Variants in XKR6 observed in about 807,000 individuals in gnomAD.
XKR6 encodes XK-related protein 6.
Under a neutral mutation model 56.7 loss-of-function variants are expected in XKR6, and 22 were observed. That is an observed-to-expected ratio of 0.39 (90% CI 0.28 to 0.55). The LOEUF (loss-of-function observed/expected upper bound fraction) is 0.55. Ranked by LOEUF, XKR6 falls within the 20% of genes least tolerant of loss-of-function variation. The pLI is 0.66. For synonymous variants in XKR6, 524 were observed against 387.8 expected, an observed-to-expected ratio of 1.35 and a Z score of -4.13; for missense variants, 852 against 889.0, an observed-to-expected ratio of 0.96 and a Z score of 0.53.
chr8:10,908,116 G>A (rs1800234779), intron 2 of XKR6, among the ~76,000 whole-genome samples: 1 of 152,202 alleles, frequency 6.6e-6, no homozygotes, highest in African/African-American at 2.4e-5. Context: ...GACTTGCTCT[G>A]GCCAGGCACG....
At chr8:10,963,093 A>C (rs1000243579) in intron 1 of XKR6, among the ~76,000 whole-genome samples, 2 of 152,168 alleles carry the variant, frequency 1.3e-5, no homozygotes, top group Non-Finnish European at 1.5e-5. Context: ...GACCAAGCAC[A>C]TCCCGCTTCT....
chr8:11,040,339 T>C (rs898750652), intron 1 of XKR6, among the ~76,000 whole-genome samples: 4 of 120,140 alleles, frequency 3.3e-5, no homozygotes, highest in Admixed American at 9.9e-5. Flanking sequence ...CGGGGCAACA[T>C]AAGCAGATCT....
chr8:11,143,225 C>T (rs994179444), intron 1 of XKR6, among the ~76,000 whole-genome samples: 2 of 152,130 alleles, frequency 1.3e-5, no homozygotes, highest in African/African-American at 4.8e-5. Flanking sequence ...AGACGATACA[C>T]ATTCTGATAA....
At chr8:10,976,200 C>G (rs947056569) in intron 1 of XKR6, among the ~76,000 whole-genome samples, 3 of 151,994 alleles carry the variant, frequency 2.0e-5, no homozygotes, top group Non-Finnish European at 2.9e-5. Context: ...GTGCCCCCCC[C>G]CAACCTCGCC....
intron 2 of XKR6, among the ~76,000 whole-genome samples, chr8:10,900,888 C>CCTGTCGCT (rs1800018192): frequency 1.1e-5 from 1 of 88,912 alleles, no homozygotes; most frequent in Admixed American, 1.5e-4. Flanking sequence ...AGGGTTTTAC[C>CCTGTCGCT]CTGTCGCTCA....
At chr8:11,048,846 C>A (rs931033878) in intron 1 of XKR6, among the ~76,000 whole-genome samples, 3 of 152,224 alleles carry the variant, frequency 2.0e-5, no homozygotes, top group African/African-American at 7.2e-5. Flanking sequence ...TCTCGCTGGC[C>A]TCCCCCTCCT....
chr8:10,899,965 G>C (rs1799989425), intron 2 of XKR6, among the ~76,000 whole-genome samples: 1 of 152,110 alleles, frequency 6.6e-6, no homozygotes, highest in African/African-American at 2.4e-5. Context: ...TTCGAGTGCT[G>C]TCATACAATC....
chr8:10,952,451 GT>G (rs1274255598), intron 1 of XKR6, among the ~76,000 whole-genome samples: 1 of 152,134 alleles, frequency 6.6e-6, no homozygotes, highest in African/African-American at 2.4e-5. Context: ...TATTATATTT[GT>G]TTTTTCTTTT....
At chr8:11,084,872 C>A (rs906447841) in intron 1 of XKR6, among the ~76,000 whole-genome samples, 7 of 152,140 alleles carry the variant, frequency 4.6e-5, no homozygotes, top group African/African-American at 1.7e-4. Flanking sequence ...CATGGTCTTC[C>A]TCACATATTT....
chr8:11,016,722 C>A (rs1189068370), intron 1 of XKR6, among the ~76,000 whole-genome samples: 1 of 152,192 alleles, frequency 6.6e-6, no homozygotes, highest in African/African-American at 2.4e-5. Context: ...CACTGGGGAG[C>A]GTCCTGGCCT....
At chr8:10,912,218 T>C (rs1321970445) in intron 2 of XKR6, among the ~76,000 whole-genome samples, 6 of 145,550 alleles carry the variant, frequency 4.1e-5, no homozygotes, top group Admixed American at 7.0e-5. Context: ...TGTGTATATA[T>C]ACAGAGAGAG....
chr8:10,982,842 C>G (rs1349085982), intron 1 of XKR6, among the ~76,000 whole-genome samples: 1 of 152,162 alleles, frequency 6.6e-6, no homozygotes, highest in African/African-American at 2.4e-5. Flanking sequence ...AGCGCAGCCC[C>G]AGGGAGGCAT....
At chr8:10,900,280 A>G (rs546370740) in intron 2 of XKR6, among the ~76,000 whole-genome samples, 113 of 151,958 alleles carry the variant, frequency 7.4e-4, no homozygotes, top group South Asian at 1.5e-3. Flanking sequence ...CACTGGTTAA[A>G]CTTCCCCAGA....
intron 1 of XKR6, among the ~76,000 whole-genome samples, chr8:11,070,410 C>A (rs971798583): frequency 1.5e-4 from 23 of 152,260 alleles, no homozygotes; most frequent in Non-Finnish European, 2.9e-5. Context: ...AGTCAAGAAC[C>A]AGAAACTTTG....
intron 1 of XKR6, among the ~76,000 whole-genome samples, chr8:11,091,546 A>G (rs989576845): frequency 6.6e-6 from 1 of 152,218 alleles, no homozygotes; most frequent in African/African-American, 2.4e-5. Context: ...TAGCAAGGAC[A>G]AAGAGAAGGC....
intron 1 of XKR6, among the ~76,000 whole-genome samples, chr8:10,925,577 G>A (rs544531359): frequency 7.9e-5 from 12 of 152,334 alleles, no homozygotes; most frequent in African/African-American, 2.6e-4. Context: ...CTCTGTGTGG[G>A]AGGGCTGAGG....
intron 1 of XKR6, among the ~76,000 whole-genome samples, chr8:10,985,318 T>C (rs538642097): frequency 4.3e-4 from 66 of 152,046 alleles, no homozygotes; most frequent in South Asian, 1.0e-3. Context: ...AAAGGAGAGT[T>C]CTCCTGCACC....
intron 1 of XKR6, among the ~76,000 whole-genome samples, chr8:11,040,724 C>T (rs1464468554): frequency 6.6e-6 from 1 of 152,196 alleles, no homozygotes; most frequent in East Asian, 1.9e-4. Context: ...CACTGGGCTG[C>T]ACCTTCACGA....
At chr8:11,080,057 A>T (rs1401829499) in intron 1 of XKR6, among the ~76,000 whole-genome samples, 1 of 152,156 alleles carries the variant, frequency 6.6e-6, no homozygotes, top group African/African-American at 2.4e-5. Context: ...AAACACCTCT[A>T]AACAAGGGTG....
Sources: allele counts gnomAD v4.1 joint callset (sites outside exome capture counted in the v4.1 genomes callset), GRCh38; gene constraint gnomAD v4.1.1; transcripts MANE v1.5; gene names NCBI Gene and HGNC (gene_info 2026-07-23, HGNC 2026-07-21).